Variants in MAP3K5 observed in about 807,000 individuals in gnomAD.
MAP3K5 encodes mitogen-activated protein kinase kinase kinase 5, also known as ASK-1.
In MAP3K5, 56 loss-of-function variants were observed where a neutral mutation model predicts 158.7. The ratio of observed to expected loss-of-function variants is 0.35; its 90% CI spans 0.28 to 0.44. The LOEUF (loss-of-function observed/expected upper bound fraction) is 0.44, where lower values mean the gene tolerates loss of function less well. Ranked by LOEUF, MAP3K5 falls within the 20% of genes least tolerant of loss-of-function variation. The pLI, the probability that MAP3K5 is intolerant of heterozygous loss-of-function variation, is 1.00. For missense variants in MAP3K5, 1,294 were observed against 1,674.8 expected (o/e 0.77, Z 3.97); for synonymous variants, 579 against 601.7 (o/e 0.96, Z 0.55).
At chr6:136,575,962 T>G (rs570661258) in intron 25 of MAP3K5, among the ~76,000 whole-genome samples, 46 of 152,230 alleles carry the variant, frequency 3.0e-4, no homozygotes, top group Non-Finnish European at 5.4e-4. Context: ...TTTGCCTACT[T>G]TAGCAGTCAT....
chr6:136,619,078 AG>A (rs1422136022), intron 15 of MAP3K5, among the ~76,000 whole-genome samples: 1 of 152,212 alleles, frequency 6.6e-6, no homozygotes. Flanking sequence ...GCCTGGAGGC[AG>A]GGTGAAAGTC....
At chr6:136,637,014 A>T in intron 14 of MAP3K5, 1 of 1,110,710 alleles carries the variant, frequency 9.0e-7, no homozygotes, top group Non-Finnish European at 1.1e-6. Context: ...TGAATTGCAC[A>T]TATCTCAGAG....
intron 11 of MAP3K5, 92 bp downstream of exon 11, chr6:136,650,888 TTAAC>T: frequency 6.1e-6 from 4 of 658,218 alleles, no homozygotes; most frequent in Non-Finnish European, 1.0e-5. Flanking sequence ...CTATTTCTTC[TTAAC>T]TAACACAGAC....
chr6:136,578,301 T>C (rs114501818), intron 25 of MAP3K5, among the ~76,000 whole-genome samples: 3,706 of 152,318 alleles, frequency 0.024, 155 homozygotes, highest in African/African-American at 0.083. Context: ...TTCTACACCA[T>C]GCAAAATTTC....
intron 3 of MAP3K5, among the ~76,000 whole-genome samples, chr6:136,699,131 G>A (rs534242995): frequency 1.2e-4 from 18 of 152,180 alleles, no homozygotes; most frequent in East Asian, 3.9e-4. Context: ...TCCACCCCCC[G>A]GGAGGCTGCT....
chr6:136,653,803 G>A lies in MAP3K5; in HGVS notation c.1680+2504C>T, dbSNP rs77516395. On this transcript the variant is annotated intron_variant, in intron 10 of 29. Coordinates refer to ENST00000359015, the MANE Select transcript of MAP3K5 (RefSeq NM_005923.4). ...AAATTTGGAGCTTCTTGGTAGACTG[G>A]CATTTTCTAGACACAAATGAAGTCG... Among the ~76,000 whole-genome samples the A allele has an allele frequency of 2.3e-3, 349 of 152,234 alleles. 10 individuals are homozygous for A. The East Asian group carries it at 0.048, about 21-fold the overall frequency.
At chr6:136,664,528 T>C (rs1049456874) in intron 8 of MAP3K5, among the ~76,000 whole-genome samples, 1 of 152,176 alleles carries the variant, frequency 6.6e-6, no homozygotes, top group Non-Finnish European at 1.5e-5. Context: ...TCTAGTGTGC[T>C]CACCTTCTGA....
At chr6:136,655,009 C>T (rs1017085441) in intron 10 of MAP3K5, among the ~76,000 whole-genome samples, 4 of 152,080 alleles carry the variant, frequency 2.6e-5, no homozygotes, top group African/African-American at 9.7e-5. Context: ...ATTCTCCTAA[C>T]TTCTCAATAT....
intron 25 of MAP3K5, chr6:136,579,837 T>C (rs1428763014): frequency 2.2e-6 from 1 of 456,780 alleles, no homozygotes; most frequent in Non-Finnish European, 4.4e-6. Flanking sequence ...CTGGGCTTTA[T>C]TCCTGGCAGA....
intron 2 of MAP3K5, among the ~76,000 whole-genome samples, chr6:136,715,829 G>C (rs1781494108): frequency 6.6e-6 from 1 of 151,790 alleles, no homozygotes; most frequent in Non-Finnish European, 1.5e-5. Flanking sequence ...TCAGGAGTTT[G>C]ATATCAGCCT....
At chr6:136,648,224 T>C (rs1031171261) in intron 11 of MAP3K5, among the ~76,000 whole-genome samples, 1 of 152,226 alleles carries the variant, frequency 6.6e-6, no homozygotes, top group Non-Finnish European at 1.5e-5. Flanking sequence ...TTCCATACAA[T>C]TGACACTTCT....
In MAP3K5 at chr6:136,778,280, A is replaced by T. The variant is rs180696361; in HGVS notation, c.448+13430T>A. 5.1e-3 allele frequency among the ~76,000 whole-genome samples: 772 copies of T among 152,272 alleles called. 6 individuals carry two copies. Among genetic ancestry groups the T allele is most frequent in the African/African-American group, 0.017 (703 of 41,548 alleles). ...AAAAAAATAAGTGGGGGTCTAATGC[A>T]TATTATACTATTGTGAAAGATTTTT... is the stretch of plus-strand genomic sequence containing the variant. On this transcript the variant is annotated intron_variant, in intron 1 of 29. Transcript: ENST00000359015.
chr6:136,788,080 T>C (rs1784921394), intron 1 of MAP3K5, among the ~76,000 whole-genome samples: 1 of 152,234 alleles, frequency 6.6e-6, no homozygotes, highest in South Asian at 2.1e-4. Context: ...TTATGGCTGC[T>C]CTTGAGTAAT....
At chr6:136,699,356 C>T (rs908553529) in intron 3 of MAP3K5, among the ~76,000 whole-genome samples, 8 of 152,206 alleles carry the variant, frequency 5.3e-5, no homozygotes, top group South Asian at 2.1e-4. Context: ...TTAACTGGTC[C>T]CCCTGCTTCC....
intron 1 of MAP3K5, among the ~76,000 whole-genome samples, chr6:136,736,168 T>C (rs530665226): frequency 2.8e-4 from 42 of 152,268 alleles, no homozygotes; most frequent in African/African-American, 9.6e-4. Flanking sequence ...TAAATCCAGT[T>C]GGATCTAAGA....
chr6:136,777,383 G>C (rs1784439684), intron 1 of MAP3K5, among the ~76,000 whole-genome samples: 2 of 152,178 alleles, frequency 1.3e-5, no homozygotes, highest in African/African-American at 4.8e-5. Flanking sequence ...TTTTGAGACA[G>C]GGTCTCCGTT....
At position 136,561,597 on chromosome 6, in the gene MAP3K5, G is replaced by A. The variant is rs760605653; in HGVS notation, c.3923C>T (p.Thr1308Ile). ...CCAGTCGGTAAGTTCAGAATCTTCA[G>A]TATTTGTGCCAGAAGAATTTAGATG... Reference protein sequence around the residue: ...VFHLNSSGTNTEDSELTDWLR... With the variant: ...VFHLNSSGTNIEDSELTDWLR... Residue 1308 changes from threonine (T) to isoleucine (I), a missense_variant, in exon 28 of 30, where the codon ACT becomes ATT. Physicochemically the swap from Thr to Ile is moderately conservative, Grantham distance 89. This residue lies in a region of MAP3K5 where 199 missense variants were observed against 220.3 expected (regional missense o/e 0.90). Coordinates refer to ENST00000359015, the MANE Select transcript of MAP3K5 (RefSeq NM_005923.4). The A allele has an allele frequency of 1.2e-6, 2 of 1,613,906 alleles. No individual in the cohort carries two copies. The highest frequency in any genetic ancestry group is 1.7e-6 in the Non-Finnish European group (2 of 1,179,788).
chr6:136,659,182 TTATTAA>T (rs1562587920), intron 9 of MAP3K5, 31 bp downstream of exon 9: 1 of 1,534,662 alleles, frequency 6.5e-7, no homozygotes, highest in Non-Finnish European at 9.0e-7. Flanking sequence ...ATGGAGCTGT[TTATTAA>T]TTGTATCAAC....
intron 23 of MAP3K5, among the ~76,000 whole-genome samples, chr6:136,590,566 A>T (rs1775339416): frequency 1.3e-5 from 2 of 148,470 alleles, no homozygotes; most frequent in Non-Finnish European, 3.0e-5. Flanking sequence ...TTTGAGACAG[A>T]GTCTCCCTCT....
Sources: gnomAD v4.1 joint callset for allele counts (sites outside exome capture counted in the v4.1 genomes callset) on GRCh38, gnomAD v4.1.1 for gene constraint, gnomAD v4.1.1 regional missense constraint, MANE v1.5 for transcripts, NCBI Gene and HGNC (gene_info 2026-07-23, HGNC 2026-07-21) for gene names.